KCTD4: variants seen among roughly 807,000 people sequenced by gnomAD.
The protein encoded by KCTD4 is potassium channel tetramerization domain containing 4, also known as BTB/POZ domain-containing protein KCTD4.
In KCTD4, 12 loss-of-function variants were observed where a neutral mutation model predicts 18.3. The ratio of observed to expected loss-of-function variants is 0.66; its 90% CI spans 0.42 to 1.06. The LOEUF is 1.06. KCTD4 is among the 50% of genes least tolerant of loss of function. The pLI is 0.00. For missense variants in KCTD4, 250 were observed against 303.4 expected, an observed-to-expected ratio of 0.82 and a Z score of 1.31; for synonymous variants, 124 against 110.5, an observed-to-expected ratio of 1.12 and a Z score of -0.76.
chr13:45,199,210 C>T (rs1029071241), intron 1 of KCTD4, among the ~76,000 whole-genome samples: 3 of 152,202 alleles, frequency 2.0e-5, no homozygotes, highest in African/African-American at 7.2e-5. Context: ...CAGTGTTGAA[C>T]TGCGTCTTCA....
Position 45,193,628 on chromosome 13 carries a change from A to G in KCTD4, c.*160T>C, listed in dbSNP as rs1358863996. 1.6e-6 allele frequency: 1 copy of G among 626,212 alleles called. No individual in the cohort carries two copies. Among genetic ancestry groups the G allele is most frequent in the Non-Finnish European group, 2.7e-6 (1 of 366,970 alleles). 38.8% of individuals were successfully genotyped at this position (626,212 alleles called of 1,614,324 possible). ...AACACCCCAGAGGAAGGACATCTTT[A>G]GCGATAGAATTTACATACCGTTAGC... On this transcript the variant is annotated 3_prime_UTR_variant, in exon 2 of 2. Transcript: ENST00000379108.
Position 45,194,674 on chromosome 13 carries a change from T to A in KCTD4, c.-107A>T. The A allele has an allele frequency of 9.8e-7, 1 of 1,019,652 alleles. No homozygotes were observed. Among genetic ancestry groups the A allele is most frequent in the Non-Finnish European group, 1.5e-6 (1 of 685,748 alleles). 63.2% of individuals were successfully genotyped at this position (1,019,652 alleles called of 1,614,324 possible). On this transcript the variant is annotated 5_prime_UTR_variant, in exon 2 of 2. Coordinates refer to ENST00000379108, the MANE Select transcript of KCTD4 (RefSeq NM_198404.3). The stretch of plus-strand genomic sequence containing the variant: ...ATTCAGCCCCAGCCTGGTGATGGAA[T>A]GGAAACGCTGGCAGCATCGCCTGCG...
Position 45,194,313 on chromosome 13 carries a change from G to A in KCTD4, c.255C>T (p.Leu85=), listed in dbSNP as rs961866447. 1.9e-6 allele frequency: 3 copies of A among 1,614,172 alleles called. No individual in the cohort carries two copies. Among genetic ancestry groups the A allele is most frequent in the Non-Finnish European group, 2.5e-6 (3 of 1,180,022 alleles). The change falls in exon 2 of 2, where the codon CTC becomes CTT. Residue 85 remains leucine (L), a synonymous_variant. Transcript: ENST00000379108. The stretch of plus-strand genomic sequence containing the variant: ...GTAGGAAGTTTAGGACATGCCTGAA[G>A]AGGAGACCATCCCTGTCTATGAAAT... ...GHYFIDRDGL[L]FRHVLNFLRN... is the part of the protein sequence containing the mutation.
At position 45,194,011 on chromosome 13, in the gene KCTD4, T is replaced by G; in HGVS notation, c.557A>C (p.Glu186Ala). 6.2e-7 allele frequency: 1 copy of G among 1,614,120 alleles called. No homozygotes were observed. The highest frequency in any genetic ancestry group is 8.5e-7 in the Non-Finnish European group (1 of 1,180,006). Residue 186 changes from glutamate to alanine, a missense_variant, in exon 2 of 2, where the codon GAG becomes GCG. Physicochemically the swap from Glu to Ala is moderately radical, Grantham distance 107. Coordinates refer to ENST00000379108, the MANE Select transcript of KCTD4 (RefSeq NM_198404.3). ...SKSRLDGFPE[E>A]FSISSNIIQF... ...GATGATATTTGACGATATTGAAAACTCCTCTGGAAATCCATCCAGCCTGCT... is the reference window on the plus strand; with the variant it reads ...GATGATATTTGACGATATTGAAAACGCCTCTGGAAATCCATCCAGCCTGCT...
intron 1 of KCTD4, among the ~76,000 whole-genome samples, chr13:45,197,159 A>G (rs1301733386): frequency 6.6e-6 from 1 of 151,774 alleles, no homozygotes; most frequent in Non-Finnish European, 1.5e-5. Flanking sequence ...ATACAAATCC[A>G]TAGGACTTTT....
At chr13:45,199,544 C>T (rs548475255) in intron 1 of KCTD4, among the ~76,000 whole-genome samples, 26 of 151,930 alleles carry the variant, frequency 1.7e-4, no homozygotes, top group African/African-American at 5.1e-4. Flanking sequence ...ATAACCTGTG[C>T]GTTATTATTT....
At chr13:45,200,325 T>TTAAATTTTATTTTTA (rs1265769762) in intron 1 of KCTD4, among the ~76,000 whole-genome samples, 1 of 152,154 alleles carries the variant, frequency 6.6e-6, no homozygotes, top group African/African-American at 2.4e-5. Context: ...TTTTATAAAA[T>TTAAATTTTATTTTTA]TAAATTTTAT....
At chr13:45,196,739 C>T (rs888713815) in intron 1 of KCTD4, among the ~76,000 whole-genome samples, 2 of 152,142 alleles carry the variant, frequency 1.3e-5, no homozygotes, top group South Asian at 2.1e-4. Flanking sequence ...GGGTCTGCTT[C>T]CTTACACCCT....
rs147004947 is a variant in KCTD4, at chr13:45,194,472, G to A, written c.96C>T (p.Ser32=). ...EDTDQGKNCK[S]TLMTLNVGGY... is the part of the protein sequence containing the mutation. ...CACCAACGTTGAGGGTCATCAGTGTGGATTTGCAGTTCTTTCCTTGATCAG... is the reference window on the plus strand; with the variant it reads ...CACCAACGTTGAGGGTCATCAGTGTAGATTTGCAGTTCTTTCCTTGATCAG... Residue 32 remains serine (S), a synonymous_variant, in exon 2 of 2, where the codon TCC becomes TCT. Transcript: ENST00000379108. 4.1e-4 allele frequency: 660 copies of A among 1,614,104 alleles called. 6 individuals are homozygous for A. In the African/African-American group the frequency reaches 7.4e-3, roughly 18 times the overall value.
At chr13:45,195,432 T>C (rs1872842967) in intron 1 of KCTD4, among the ~76,000 whole-genome samples, 1 of 152,184 alleles carries the variant, frequency 6.6e-6, no homozygotes, top group Non-Finnish European at 1.5e-5. Flanking sequence ...ATACTGTGAC[T>C]GTGTATGTGC....
At chr13:45,198,000 T>C (rs1471238357) in intron 1 of KCTD4, among the ~76,000 whole-genome samples, 3 of 152,372 alleles carry the variant, frequency 2.0e-5, no homozygotes, top group South Asian at 2.1e-4. Context: ...TTTGAAAGAT[T>C]GGGGTCCTGT....
Position 45,194,245 on chromosome 13 carries a change from T to C in KCTD4, c.323A>G (p.Gln108Arg). Residue 108 changes from glutamine to arginine, a missense_variant, in exon 2 of 2, where the codon CAA becomes CGA. Coordinates refer to ENST00000379108, the MANE Select transcript of KCTD4 (RefSeq NM_198404.3). ...GAATTCTGCTTCTTGTGCAAGAAGT[T>C]GATTTTCTCGAAACCCTTCGGGCAA... is the stretch of plus-strand genomic sequence containing the variant. Reference protein sequence around the residue: ...LLLPEGFRENQLLAQEAEFFQ... With the variant: ...LLLPEGFRENRLLAQEAEFFQ... 6.2e-7 allele frequency: 1 copy of C among 1,614,158 alleles called. No homozygotes were observed. The highest frequency in any genetic ancestry group is 2.2e-5 in the East Asian group (1 of 44,878).
At chr13:45,200,549 C>T (rs535939644) in intron 1 of KCTD4, among the ~76,000 whole-genome samples, 59 of 152,258 alleles carry the variant, frequency 3.9e-4, no homozygotes, top group African/African-American at 1.4e-3. Flanking sequence ...CTGCCTCAGC[C>T]TCCCAAAGTG....
At chr13:45,198,207 A>T (rs1352720012) in intron 1 of KCTD4, among the ~76,000 whole-genome samples, 1 of 152,254 alleles carries the variant, frequency 6.6e-6, no homozygotes, top group Non-Finnish European at 1.5e-5. Context: ...TACCATCTGC[A>T]TAAGGCAGAA....
At chr13:45,196,720 A>G (rs1593485132) in intron 1 of KCTD4, among the ~76,000 whole-genome samples, 1 of 152,322 alleles carries the variant, frequency 6.6e-6, no homozygotes, top group East Asian at 1.9e-4. Context: ...GATAGATACT[A>G]TGTACTCTGG....
chr13:45,196,313 C>T lies in KCTD4; in HGVS notation c.-187-1559G>A, dbSNP rs115361263. Among the ~76,000 whole-genome samples the T allele has an allele frequency of 3.5e-3, 534 of 152,288 alleles. 5 individuals are homozygous for T. The highest frequency in any genetic ancestry group is 0.012 in the African/African-American group (518 of 41,564). Reference sequence around the variant, plus strand: ...TTTTAGTATTTTATCTAGGACTTCACAGCAAAGCCAACATTTTGACTAAAA... The same window carrying T: ...TTTTAGTATTTTATCTAGGACTTCATAGCAAAGCCAACATTTTGACTAAAA... On this transcript the variant is annotated intron_variant, in intron 1 of 1. Coordinates refer to ENST00000379108, the MANE Select transcript of KCTD4 (RefSeq NM_198404.3).
rs1164403341 is a variant in KCTD4 at position 45,194,682 on chromosome 13, C to G, written c.-115G>C. On this transcript the variant is annotated 5_prime_UTR_variant, in exon 2 of 2. Transcript: ENST00000379108. ...CCAGCCTGGTGATGGAATGGAAACG[C>G]TGGCAGCATCGCCTGCGCTGTCAGC... 1 of 949,640 alleles carries G rather than the reference C, an allele frequency of 1.1e-6. No homozygotes were observed. Among genetic ancestry groups the G allele is most frequent in the East Asian group, 2.4e-5 (1 of 40,998 alleles). The allele number at this position is 949,640 out of a possible 1,614,324, so 58.8% of individuals were successfully genotyped here.
At position 45,193,490 on chromosome 13, in the gene KCTD4, T is replaced by C; in HGVS notation, c.*298A>G. ...TTTTTTGTGCAAATACCCAAGACAA[T>C]CTGAATTGAAAGACAGCTTAAGGAC... is the stretch of plus-strand genomic sequence containing the variant. On this transcript the variant is annotated 3_prime_UTR_variant, in exon 2 of 2. Coordinates refer to ENST00000379108, the MANE Select transcript of KCTD4 (RefSeq NM_198404.3). 1 of 270,378 alleles carries C rather than the reference T, an allele frequency of 3.7e-6. No homozygotes were observed. Among genetic ancestry groups the C allele is most frequent in the Non-Finnish European group, 6.9e-6 (1 of 144,124 alleles). The allele number at this position is 270,378 out of a possible 1,614,324, so 16.7% of individuals were successfully genotyped here. A position where few individuals can be genotyped will look rare whatever the true frequency, so the allele number is the denominator to read the frequency against.
At chr13:45,196,270 C>T (rs1313290471) in intron 1 of KCTD4, among the ~76,000 whole-genome samples, 1 of 152,142 alleles carries the variant, frequency 6.6e-6, no homozygotes, top group African/African-American at 2.4e-5. Context: ...CCAAAGATAA[C>T]ATTGCATTCC....
Sources: gnomAD v4.1 joint callset for allele counts (sites outside exome capture counted in the v4.1 genomes callset) on GRCh38, gnomAD v4.1.1 for gene constraint, MANE v1.5 for transcripts, NCBI Gene and HGNC (gene_info 2026-07-23, HGNC 2026-07-21) for gene names.